GABBR2: variants seen among roughly 807,000 people sequenced by gnomAD.
GABBR2 encodes gamma-aminobutyric acid type B receptor subunit 2, also known as G-protein coupled receptor 51.
GABBR2 carries 23 observed loss-of-function variants against 105.6 expected under a neutral mutation model. The ratio of observed to expected loss-of-function variants is 0.22; its 90% CI spans 0.16 to 0.31. The LOEUF is 0.31. Among genes scored for constraint, GABBR2 ranks in the 10% least tolerant of loss-of-function variants. GABBR2 has a pLI of 1.00. For missense variants in GABBR2, 734 were observed against 1,245.5 expected (o/e 0.59, Z 6.18); for synonymous variants, 478 against 499.7 (o/e 0.96, Z 0.58).
At chr9:98,476,396 G>C (rs1826794785) in intron 5 of GABBR2, among the ~76,000 whole-genome samples, 1 of 152,084 alleles carries the variant, frequency 6.6e-6, no homozygotes, top group South Asian at 2.1e-4. Flanking sequence ...GACTTTTTGG[G>C]GAAAAAAATA....
At chr9:98,379,038 C>T (rs926360277) in intron 11 of GABBR2, among the ~76,000 whole-genome samples, 48 of 152,192 alleles carry the variant, frequency 3.2e-4, no homozygotes, top group African/African-American at 1.1e-3. Context: ...ACTACATGGC[C>T]GCAGCATCCT....
At chr9:98,358,174 C>G (rs1289909883) in intron 13 of GABBR2, among the ~76,000 whole-genome samples, 1 of 152,240 alleles carries the variant, frequency 6.6e-6, no homozygotes, top group Non-Finnish European at 1.5e-5. Flanking sequence ...TGTGAACACC[C>G]AGGCTTGGGT....
chr9:98,666,384 T>TGCTTCTCATCCTTGCA, intron 1 of GABBR2, among the ~76,000 whole-genome samples: 1 of 152,220 alleles, frequency 6.6e-6, no homozygotes, highest in East Asian at 1.9e-4. Flanking sequence ...GGAGAATTCA[T>TGCTTCTCATCCTTGCA]GCTTCTCATC....
intron 3 of GABBR2, among the ~76,000 whole-genome samples, chr9:98,502,357 G>T (rs1271688023): frequency 6.6e-6 from 1 of 152,128 alleles, no homozygotes; most frequent in East Asian, 1.9e-4. Flanking sequence ...CCACTGCAAG[G>T]CCTCCTCCCT....
intron 8 of GABBR2, among the ~76,000 whole-genome samples, chr9:98,403,130 C>G (rs1832424339): frequency 6.6e-6 from 1 of 151,838 alleles, no homozygotes; most frequent in South Asian, 2.1e-4. Context: ...CCCATCTCTA[C>G]TAAAAATACA....
At chr9:98,493,952 A>C (rs926102215) in intron 4 of GABBR2, among the ~76,000 whole-genome samples, 2 of 152,218 alleles carry the variant, frequency 1.3e-5, no homozygotes, top group African/African-American at 4.8e-5. Context: ...AATGAATAGA[A>C]GTCCAGATAT....
intron 13 of GABBR2, among the ~76,000 whole-genome samples, chr9:98,342,985 G>C (rs1409934882): frequency 6.6e-6 from 1 of 152,212 alleles, no homozygotes; most frequent in African/African-American, 2.4e-5. Flanking sequence ...TAGAAGGTAA[G>C]AGTTGAAATT....
chr9:98,349,037 A>C (rs1174665815), intron 13 of GABBR2, among the ~76,000 whole-genome samples: 4 of 152,146 alleles, frequency 2.6e-5, no homozygotes, highest in Non-Finnish European at 5.9e-5. Context: ...GCCTTTCTCC[A>C]TTCAGTATGA....
chr9:98,432,269 G>A (rs919727085), intron 7 of GABBR2, among the ~76,000 whole-genome samples: 2 of 152,220 alleles, frequency 1.3e-5, no homozygotes, highest in East Asian at 1.9e-4. Flanking sequence ...GTGTGAGAAT[G>A]AGCCAGAATG....
intron 3 of GABBR2, among the ~76,000 whole-genome samples, chr9:98,497,508 A>T (rs1359823873): frequency 6.6e-6 from 1 of 152,184 alleles, no homozygotes; most frequent in Non-Finnish European, 1.5e-5. Flanking sequence ...GCACCCTCTG[A>T]CATATAGCAA....
At chr9:98,575,795 T>C (rs1490735840) in intron 2 of GABBR2, among the ~76,000 whole-genome samples, 1 of 152,158 alleles carries the variant, frequency 6.6e-6, no homozygotes, top group Non-Finnish European at 1.5e-5. Flanking sequence ...TGGCTGCTTT[T>C]CTGGTCTCCT....
intron 7 of GABBR2, among the ~76,000 whole-genome samples, chr9:98,449,600 C>G (rs1826197556): frequency 6.6e-6 from 1 of 152,140 alleles, no homozygotes; most frequent in African/African-American, 2.4e-5. Flanking sequence ...AATGAAGCGC[C>G]CTGGAAGATT....
intron 3 of GABBR2, among the ~76,000 whole-genome samples, chr9:98,517,204 G>T (rs2131706435): frequency 1.3e-5 from 2 of 152,320 alleles, no homozygotes; most frequent in East Asian, 3.9e-4. Context: ...CTCTATTTGG[G>T]ACTTCTCTGA....
chr9:98,295,612 G>A (rs1266439625), intron 17 of GABBR2, among the ~76,000 whole-genome samples: 1 of 151,984 alleles, frequency 6.6e-6, no homozygotes, highest in Non-Finnish European at 1.5e-5. Flanking sequence ...TGCAACCTCC[G>A]CCTCCCAGGT....
At chr9:98,372,475 C>T (rs377053254) in intron 11 of GABBR2, among the ~76,000 whole-genome samples, 3 of 152,378 alleles carry the variant, frequency 2.0e-5, no homozygotes, top group African/African-American at 7.2e-5. Flanking sequence ...TGCTCTCCCT[C>T]AGCTCTGTTG....
chr9:98,441,608 C>T (rs979964713), intron 7 of GABBR2, among the ~76,000 whole-genome samples: 1 of 152,202 alleles, frequency 6.6e-6, no homozygotes, highest in Non-Finnish European at 1.5e-5. Context: ...CTCAGGTTAT[C>T]CACCTGCCTT....
rs1177135993 is a variant in GABBR2 at position 98,454,992 on chromosome 9, G to A, written c.1000-775C>T. ...GTGCAGGTCTGAGTGGGCTGTGTCC[G>A]TGGCTTGCAGATTCTGGGCCCCGAG... On this transcript the variant is annotated intron_variant, in intron 6 of 18. Transcript: ENST00000259455. This position sits in a 1 kb window ranked among gnomAD's most constrained non-coding sequence, Gnocchi z 4.6. 1.3e-5 allele frequency among the ~76,000 whole-genome samples: 2 copies of A among 152,128 alleles called. No homozygotes were observed. Among genetic ancestry groups the A allele is most frequent in the Admixed American group, 6.5e-5 (1 of 15,282 alleles).
rs560267101 is a variant in GABBR2, at chr9:98,694,491, C to G, written c.321+13926G>C. ...ACAGCCTGCTAGGGTCACAGAACCT[C>G]AGTTCCCTGAAGAACTGCTTTCAGA... On this transcript the variant is annotated intron_variant, in intron 1 of 18. Transcript: ENST00000259455. 8.0e-4 allele frequency among the ~76,000 whole-genome samples: 122 copies of G among 152,330 alleles called. 1 individual carries two copies. The highest frequency in any genetic ancestry group is 2.9e-3 in the African/African-American group (120 of 41,568).
chr9:98,396,387 T>C (rs888301613), intron 8 of GABBR2, among the ~76,000 whole-genome samples: 2 of 152,226 alleles, frequency 1.3e-5, no homozygotes, highest in Non-Finnish European at 2.9e-5. Flanking sequence ...GCAGGTGCAC[T>C]GCTGGCCCTT....
Sources: gnomAD v4.1 joint callset for allele counts (sites outside exome capture counted in the v4.1 genomes callset) on GRCh38, gnomAD v4.1.1 for gene constraint, Gnocchi (gnomAD v3.1) non-coding constraint, MANE v1.5 for transcripts, NCBI Gene and HGNC (gene_info 2026-07-23, HGNC 2026-07-21) for gene names.